Variants in FRYL observed in about 807,000 individuals in gnomAD.
The protein encoded by FRYL is FRY like transcription coactivator, also known as protein furry homolog-like.
A neutral mutation model predicts 351.2 loss-of-function variants in FRYL; 150 were observed. That is an observed-to-expected ratio of 0.43 (90% CI 0.37 to 0.49). The LOEUF (loss-of-function observed/expected upper bound fraction) is 0.49. Ranked by LOEUF, FRYL falls within the 20% of genes least tolerant of loss-of-function variation. The pLI, the probability that FRYL is intolerant of heterozygous loss-of-function variation, is 0.00. For missense variants in FRYL, 3,036 were observed against 3,619.3 expected (o/e 0.84, Z 4.13); for synonymous variants, 1,153 against 1,257.1 (o/e 0.92, Z 1.75).
At chr4:48,625,160 C>T (rs1751516141) in intron 4 of FRYL, among the ~76,000 whole-genome samples, 1 of 152,146 alleles carries the variant, frequency 6.6e-6, no homozygotes, top group African/African-American at 2.4e-5. Context: ...ATCAATCTCT[C>T]TTTCTACATA....
chr4:48,694,454 G>A (rs1486504936), intron 2 of FRYL, among the ~76,000 whole-genome samples: 1 of 151,818 alleles, frequency 6.6e-6, no homozygotes, highest in Non-Finnish European at 1.5e-5. Context: ...GTGCCACTGC[G>A]CCCAGCTACG....
chr4:48,619,088 A>T (rs918775069), intron 7 of FRYL, 186 bp downstream of exon 7: 2 of 444,638 alleles, frequency 4.5e-6, no homozygotes, highest in Non-Finnish European at 7.9e-6. Flanking sequence ...GGTAAAAAAT[A>T]GAGGAGATAA....
chr4:48,688,803 C>T (rs1765412654), intron 2 of FRYL, among the ~76,000 whole-genome samples: 1 of 151,758 alleles, frequency 6.6e-6, no homozygotes, highest in Non-Finnish European at 1.5e-5. Context: ...GTTAGGATTA[C>T]AGGCGTGTGC....
intron 43 of FRYL, 79 bp from the exon 44 acceptor site, chr4:48,544,076 T>C (rs1730816756): frequency 8.0e-7 from 1 of 1,247,692 alleles, no homozygotes; most frequent in Non-Finnish European, 1.1e-6. Context: ...GTGAATCATC[T>C]TAAAGCTAGC....
At chr4:48,678,440 C>A (rs1332989689) in intron 3 of FRYL, among the ~76,000 whole-genome samples, 1 of 130,312 alleles carries the variant, frequency 7.7e-6, no homozygotes, top group Non-Finnish European at 1.6e-5. Flanking sequence ...ACAAGGGAGG[C>A]GGAGGTTGCA....
At chr4:48,752,372 T>TGGAGCTG (rs1553881781) in intron 1 of FRYL, among the ~76,000 whole-genome samples, 15 of 151,822 alleles carry the variant, frequency 9.9e-5, no homozygotes, top group African/African-American at 3.6e-4. Flanking sequence ...ACTCCGGATC[T>TGGAGCTG]GCCCCTGGAG....
chr4:48,540,577 C>A lies in FRYL; in HGVS notation c.6071G>T (p.Arg2024Met), dbSNP rs1476909535. The A allele has an allele frequency of 6.2e-7, 1 of 1,613,990 alleles. No individual in the cohort carries two copies. The highest frequency in any genetic ancestry group is 1.7e-5 in the Admixed American group (1 of 59,982). The change falls in exon 46 of 64, where the codon AGG becomes ATG. Residue 2024 changes from arginine (R) to methionine (M), a missense_variant. Physicochemically the swap from Arg to Met is moderately conservative, Grantham distance 91. Around this residue, in one of 7 missense-constraint regions of FRYL, gnomAD observed 1,987 missense variants for 2,311.7 expected, o/e 0.86. Transcript: ENST00000358350. ...DYEYEYLLAL[R>M]LLNKLLIHLP... Reference sequence around the variant, plus strand: ...ATGGATAAGCAGTTTGTTGAGAAGCCTGAGAGCCAGGAGGTATTCATATTC... The same window carrying A: ...ATGGATAAGCAGTTTGTTGAGAAGCATGAGAGCCAGGAGGTATTCATATTC...
chr4:48,748,063 T>G (rs765173603), intron 1 of FRYL, among the ~76,000 whole-genome samples: 4 of 151,924 alleles, frequency 2.6e-5, no homozygotes, highest in Non-Finnish European at 5.9e-5. Flanking sequence ...CTGGCCAACA[T>G]GGGGAAACCC....
chr4:48,758,595 G>C (rs1774059435), intron 1 of FRYL, among the ~76,000 whole-genome samples: 1 of 152,226 alleles, frequency 6.6e-6, no homozygotes, highest in African/African-American at 2.4e-5. Flanking sequence ...GTGCTGGAGA[G>C]GATGTGGAGA....
At chr4:48,506,351 T>G (rs187990914) in intron 59 of FRYL, 2 of 151,448 alleles carry the variant, frequency 1.3e-5, no homozygotes, top group African/African-American at 4.9e-5. Flanking sequence ...CTGGGCAACA[T>G]AGGGAGACCC....
At chr4:48,623,069 C>T (rs370483948) in intron 5 of FRYL, 57 bp downstream of exon 5, 41 of 1,038,560 alleles carry the variant, frequency 3.9e-5, no homozygotes, top group Non-Finnish European at 5.9e-5. Flanking sequence ...TTGGGCCAGA[C>T]TATTAGGATG....
chr4:48,720,148 CA>C (rs111735468), intron 1 of FRYL, among the ~76,000 whole-genome samples: 5,037 of 116,978 alleles, frequency 0.043, 250 homozygotes, highest in African/African-American at 0.13. Context: ...GACTCCATCT[CA>C]AAAAAAAAAA....
intron 1 of FRYL, among the ~76,000 whole-genome samples, chr4:48,758,630 G>A (rs1774066195): frequency 6.6e-6 from 1 of 152,214 alleles, no homozygotes; most frequent in Admixed American, 6.5e-5. Context: ...TACACTGTTG[G>A]TGGGACTGTA....
chr4:48,581,279 C>T lies in FRYL; in HGVS notation c.2172+141G>A, dbSNP rs781251522. 215 of 633,384 alleles carry T rather than the reference C, an allele frequency of 3.4e-4. 1 individual carries two copies. Among genetic ancestry groups the T allele is most frequent in the Admixed American group, 1.2e-3 (36 of 29,578 alleles). The allele number at this position is 633,384 out of a possible 1,614,324, so 39.2% of individuals were successfully genotyped here. ...GTCTCGATCTCCTGATCTCGTGATC[C>T]GCCCGACTCGGCCTCCCAATTGAGA... On this transcript the variant is annotated intron_variant, in intron 21 of 63. Transcript: ENST00000358350.
chr4:48,646,257 G>A (rs1354848829), intron 3 of FRYL, among the ~76,000 whole-genome samples: 1 of 152,060 alleles, frequency 6.6e-6, no homozygotes, highest in East Asian at 1.9e-4. Context: ...CAATTCACAA[G>A]ATTTTCTATG....
At chr4:48,614,401 T>C (rs1052873694) in intron 7 of FRYL, among the ~76,000 whole-genome samples, 1 of 152,152 alleles carries the variant, frequency 6.6e-6, no homozygotes, top group African/African-American at 2.4e-5. Context: ...CTAATTCTAC[T>C]TCAATATGCA....
intron 1 of FRYL, among the ~76,000 whole-genome samples, chr4:48,743,389 A>G (rs1467571866): frequency 1.3e-5 from 2 of 152,102 alleles, no homozygotes; most frequent in Admixed American, 1.3e-4. Context: ...TTTTGTTTAA[A>G]TATCAAGCTT....
chr4:48,531,985 T>C (rs1727760861), intron 49 of FRYL, among the ~76,000 whole-genome samples: 1 of 152,196 alleles, frequency 6.6e-6, no homozygotes, highest in African/African-American at 2.4e-5. Context: ...TAGTTTTGTA[T>C]ATTCCTACCA....
chr4:48,779,862 T>C (rs1217294222), intron 1 of FRYL, among the ~76,000 whole-genome samples: 5 of 150,850 alleles, frequency 3.3e-5, no homozygotes, highest in South Asian at 2.1e-4. Flanking sequence ...GCGCCGCGGT[T>C]TGGTGTCCGT....
Sources: gnomAD v4.1 joint callset for allele counts (sites outside exome capture counted in the v4.1 genomes callset) on GRCh38, gnomAD v4.1.1 for gene constraint, gnomAD v4.1.1 regional missense constraint, MANE v1.5 for transcripts, NCBI Gene and HGNC (gene_info 2026-07-23, HGNC 2026-07-21) for gene names.